CCDC80: variants seen among roughly 807,000 people sequenced by gnomAD.
CCDC80 encodes the protein coiled-coil domain-containing protein 80.
Under a neutral mutation model 78.7 loss-of-function variants are expected in CCDC80, and 49 were observed. That is an observed-to-expected ratio of 0.62 (90% CI 0.50 to 0.79). The LOEUF is 0.79. Ranked by LOEUF, CCDC80 falls within the 30% of genes least tolerant of loss-of-function variation. The probability of loss-of-function intolerance (pLI) is 0.00; values close to 1 mark genes in which losing one functional copy is unlikely to be tolerated. For synonymous variants in CCDC80, 488 were observed against 447.0 expected, an observed-to-expected ratio of 1.09 and a Z score of -1.16; for missense variants, 1,205 against 1,198.6, an observed-to-expected ratio of 1.01 and a Z score of -0.08.
chr3:112,632,052 T>A (rs760755760), intron 2 of CCDC80, among the ~76,000 whole-genome samples: 1 of 152,214 alleles, frequency 6.6e-6, no homozygotes, highest in South Asian at 2.1e-4. Flanking sequence ...ATTTATTCAT[T>A]GATTCACATT....
At chr3:112,611,512 C>T (rs1224549771) in intron 5 of CCDC80, among the ~76,000 whole-genome samples, 1 of 152,110 alleles carries the variant, frequency 6.6e-6, no homozygotes, top group African/African-American at 2.4e-5. Context: ...GATTATTTTC[C>T]CCATTATGCA....
chr3:112,625,403 T>C (rs1199759859), intron 3 of CCDC80, among the ~76,000 whole-genome samples: 1 of 152,248 alleles, frequency 6.6e-6, no homozygotes, highest in Admixed American at 6.5e-5. Context: ...TTTCTTAGAC[T>C]GTATTGGAAA....
rs1936329973 is a variant in CCDC80 at position 112,641,077 on chromosome 3, C to T, written c.-762G>A. 6.6e-6 allele frequency: 1 copy of T among 152,228 alleles called. No homozygotes were observed. The highest frequency in any genetic ancestry group is 2.4e-5 in the African/African-American group (1 of 41,430). The allele number at this position is 152,228 out of a possible 1,614,324, so 9.4% of individuals were successfully genotyped here. A position where few individuals can be genotyped will look rare whatever the true frequency, so the allele number is the denominator to read the frequency against. The stretch of plus-strand genomic sequence containing the variant: ...AAACTTCACTAAGAATTTAACAGAT[C>T]AGCAAAACACCGCCTCCTTCCCATT... On this transcript the variant is annotated 5_prime_UTR_variant, in exon 1 of 8. Transcript: ENST00000206423.
At position 112,639,574 on chromosome 3, in the gene CCDC80, C is replaced by G; in HGVS notation, c.332G>C (p.Arg111Thr). 6.2e-7 allele frequency: 1 copy of G among 1,614,162 alleles called. No individual in the cohort carries two copies. Residue 111 changes from arginine to threonine, a missense_variant, in exon 2 of 8, where the codon AGG becomes ACG. Transcript: ENST00000206423. Reference sequence around the variant, plus strand: ...TCTGATCATCTCACGCGGAGAGCCCCTGGCTGCTGGTCTTTGCTCAGGTCT... The same window carrying G: ...TCTGATCATCTCACGCGGAGAGCCCGTGGCTGCTGGTCTTTGCTCAGGTCT... ...AVRPEQRPAA[R>T]GSPREMIRDE...
Position 112,605,815 on chromosome 3 carries a change from A to G in CCDC80, c.2507-52T>C, listed in dbSNP as rs534908465. 4 of 1,443,316 alleles carry G rather than the reference A, an allele frequency of 2.8e-6. No individual in the cohort carries two copies. The African/African-American group carries it at 5.6e-5, about 20-fold the overall frequency. The allele number at this position is 1,443,316 out of a possible 1,614,324, so 89.4% of individuals were successfully genotyped here. On this transcript the variant is annotated intron_variant, in intron 7 of 7. Coordinates refer to ENST00000206423, the MANE Select transcript of CCDC80 (RefSeq NM_199511.3). ...TTAGTAGATTAAACAGTCAGAGCCC[A>G]TGAAAACATTAAAGTGTGAGGAAAT...
intron 3 of CCDC80, among the ~76,000 whole-genome samples, chr3:112,620,589 T>C (rs984978355): frequency 1.3e-5 from 2 of 152,052 alleles, no homozygotes; most frequent in African/African-American, 4.8e-5. Context: ...CAAAAGAAGA[T>C]ACATTCATTT....
intron 2 of CCDC80, among the ~76,000 whole-genome samples, chr3:112,632,287 T>G (rs1936114411): frequency 6.6e-6 from 1 of 152,118 alleles, no homozygotes; most frequent in African/African-American, 2.4e-5. Context: ...AAATGAATGT[T>G]TAAGTAAAAA....
chr3:112,607,301 A>G, intron 6 of CCDC80, 45 bp from the exon 7 acceptor site: 1 of 1,464,152 alleles, frequency 6.8e-7, no homozygotes, highest in Non-Finnish European at 9.4e-7. Context: ...AAGGATTAGA[A>G]GTTATCTTTT....
At chr3:112,631,480 A>G (rs1936098018) in intron 2 of CCDC80, among the ~76,000 whole-genome samples, 4 of 152,108 alleles carry the variant, frequency 2.6e-5, no homozygotes, top group African/African-American at 7.2e-5. Context: ...TCTATAAATC[A>G]TTTTTCTGTA....
intron 3 of CCDC80, among the ~76,000 whole-genome samples, chr3:112,625,737 A>C (rs1935955872): frequency 6.6e-6 from 1 of 152,212 alleles, no homozygotes; most frequent in Admixed American, 6.5e-5. Flanking sequence ...TGAATAAATA[A>C]GGAATTAACA....
At chr3:112,636,107 CAG>C (rs1184546142) in intron 2 of CCDC80, among the ~76,000 whole-genome samples, 1 of 152,116 alleles carries the variant, frequency 6.6e-6, no homozygotes, top group East Asian at 1.9e-4. Flanking sequence ...GCTAAATGAA[CAG>C]AGTTGGGTGA....
In CCDC80 at chr3:112,639,575, T is replaced by C. The variant is rs923181674; in HGVS notation, c.331A>G (p.Arg111Gly). The C allele has an allele frequency of 3.1e-6, 5 of 1,614,180 alleles. No individual in the cohort carries two copies. Among genetic ancestry groups the C allele is most frequent in the Admixed American group, 1.7e-5 (1 of 60,010 alleles). Reference protein sequence around the residue: ...AVRPEQRPAARGSPREMIRDE... With the variant: ...AVRPEQRPAAGGSPREMIRDE... ...CTGATCATCTCACGCGGAGAGCCCCTGGCTGCTGGTCTTTGCTCAGGTCTC... is the reference window on the plus strand; with the variant it reads ...CTGATCATCTCACGCGGAGAGCCCCCGGCTGCTGGTCTTTGCTCAGGTCTC... The change falls in exon 2 of 8, where the codon AGG (arginine) becomes GGG (glycine). Residue 111 changes from arginine (R) to glycine (G), a missense_variant. Physicochemically the swap from Arg to Gly is moderately radical, Grantham distance 125. Coordinates refer to ENST00000206423, the MANE Select transcript of CCDC80 (RefSeq NM_199511.3).
rs770365462 is a variant in CCDC80, at chr3:112,639,505, G to A, written c.401C>T (p.Ser134Leu). The A allele has an allele frequency of 8.7e-6, 14 of 1,614,172 alleles. No homozygotes were observed. Among genetic ancestry groups the A allele is most frequent in the Admixed American group, 1.7e-5 (1 of 60,014 alleles). The change falls in exon 2 of 8, where the codon TCG becomes TTG. Residue 134 changes from serine to leucine, a missense_variant. Coordinates refer to ENST00000206423, the MANE Select transcript of CCDC80 (RefSeq NM_199511.3). The part of the protein sequence containing the change: ...SARSRMLRFP[S>L]GSSSPNILAS... ...AAGGATGTTGGGAGAGCTGGACCCCGAAGGGAAACGCAACATTCTTGACCG... is the reference window on the plus strand; with the variant it reads ...AAGGATGTTGGGAGAGCTGGACCCCAAAGGGAAACGCAACATTCTTGACCG...
rs1935464031 is a variant in CCDC80, at chr3:112,605,483, T to A, written c.2787A>T (p.Gly929=). The change falls in exon 8 of 8, where the codon GGA becomes GGT. Residue 929 remains glycine (G), a synonymous_variant. Coordinates refer to ENST00000206423, the MANE Select transcript of CCDC80 (RefSeq NM_199511.3). ...AGYGYHSYHQ[G]YQDGYQDDYR... ...AGTCATCCTGGTAACCATCCTGGTA[T>A]CCTTGGTGGTAACTATGGTAACCAT... The A allele has an allele frequency of 6.2e-7, 1 of 1,614,036 alleles. No individual in the cohort carries two copies. Among genetic ancestry groups the A allele is most frequent in the South Asian group, 1.1e-5 (1 of 91,088 alleles).
chr3:112,618,033 C>T (rs960496176), intron 4 of CCDC80, among the ~76,000 whole-genome samples: 2 of 152,104 alleles, frequency 1.3e-5, no homozygotes, highest in African/African-American at 4.8e-5. Flanking sequence ...GTTTTTTCCT[C>T]TGTGAAACAA....
At chr3:112,624,913 T>A (rs1935935720) in intron 3 of CCDC80, among the ~76,000 whole-genome samples, 1 of 152,154 alleles carries the variant, frequency 6.6e-6, no homozygotes, top group South Asian at 2.1e-4. Context: ...CTGCTCTAGA[T>A]CAAACCTAAT....
intron 5 of CCDC80, among the ~76,000 whole-genome samples, chr3:112,611,778 A>T (rs1355431244): frequency 2.0e-5 from 3 of 152,226 alleles, no homozygotes; most frequent in Admixed American, 2.0e-4. Flanking sequence ...TTTTGCCTTC[A>T]GTGCAGGTGA....
At position 112,639,106 on chromosome 3, in the gene CCDC80, C is replaced by G. The variant is rs755702357; in HGVS notation, c.800G>C (p.Arg267Pro). The change falls in exon 2 of 8, where the codon CGT (arginine) becomes CCT (proline). Residue 267 changes from arginine (R) to proline (P), a missense_variant. Physicochemically the swap from Arg to Pro is moderately radical, Grantham distance 103. Transcript: ENST00000206423. ...MYEVIDQGPIRRIEKIRQKGF... is the reference protein window; with the variant it reads ...MYEVIDQGPIPRIEKIRQKGF... ...CTTCTGCCTGATCTTCTCGATCCTACGGATGGGGCCTTGGTCGATGACCTC... is the reference window on the plus strand; with the variant it reads ...CTTCTGCCTGATCTTCTCGATCCTAGGGATGGGGCCTTGGTCGATGACCTC... 1.2e-6 allele frequency: 2 copies of G among 1,614,086 alleles called. No individual in the cohort carries two copies. The highest frequency in any genetic ancestry group is 1.6e-4 in the Middle Eastern group (1 of 6,062).
In CCDC80 at chr3:112,610,094, A is replaced by AT; in HGVS notation, c.2322-14_2322-13insA. 1 of 1,607,840 alleles carries AT rather than the reference A, an allele frequency of 6.2e-7. No individual in the cohort carries two copies. Among genetic ancestry groups the AT allele is most frequent in the Non-Finnish European group, 8.5e-7 (1 of 1,175,714 alleles). ...CCTCCACCGGAACCTGGAAAAAAAAAGCAGGACACCATTACTGCTTACTGC... is the reference window on the plus strand; with the variant it reads ...CCTCCACCGGAACCTGGAAAAAAAAATGCAGGACACCATTACTGCTTACTGC... On this transcript the variant is annotated splice_polypyrimidine_tract_variant and intron_variant, in intron 5 of 7. Transcript: ENST00000206423.
Sources: allele counts gnomAD v4.1 joint callset (sites outside exome capture counted in the v4.1 genomes callset), GRCh38; gene constraint gnomAD v4.1.1; transcripts MANE v1.5; gene names NCBI Gene and HGNC (gene_info 2026-07-23, HGNC 2026-07-21).